NECAB2: variants seen among roughly 807,000 people sequenced by gnomAD.
NECAB2 encodes N-terminal EF-hand calcium binding protein 2, also known as N-terminal EF-hand calcium-binding protein 2.
In NECAB2, 68 loss-of-function variants were observed where a neutral mutation model predicts 51.9. The ratio of observed to expected loss-of-function variants is 1.31; its 90% CI spans 1.08 to 1.60. The LOEUF is 1.60. Among genes scored for constraint, NECAB2 ranks in the 40% most tolerant of loss-of-function variants. The probability of loss-of-function intolerance (pLI) is 0.00; values close to 1 mark genes in which losing one functional copy is unlikely to be tolerated. For missense variants in NECAB2, 854 were observed against 490.3 expected (o/e 1.74, Z -7.00); for synonymous variants, 329 against 203.5 (o/e 1.62, Z -5.25).
chr16:83,995,554 A>T (rs1258385488), intron 8 of NECAB2, among the ~76,000 whole-genome samples: 2 of 152,184 alleles, frequency 1.3e-5, no homozygotes, highest in Admixed American at 6.5e-5. Context: ...ACCTATCCAC[A>T]TGCACACAGC....
Position 83,968,505 on chromosome 16 carries a change from A to C in NECAB2, c.-144A>C. ...GCCGGCCCGCCCCCCGGCGCCGGCC[A>C]GTCCCCGCGGTGTCCGCGGCCGCGG... On this transcript the variant is annotated 5_prime_UTR_variant, in exon 1 of 13. Transcript: ENST00000305202. 6 of 562,576 alleles carry C rather than the reference A, an allele frequency of 1.1e-5. No individual in the cohort carries two copies. The highest frequency in any genetic ancestry group is 7.7e-5 in the South Asian group (1 of 12,992). The allele number at this position is 562,576 out of a possible 1,614,324, so 34.8% of individuals were successfully genotyped here. A position where few individuals can be genotyped will look rare whatever the true frequency, so the allele number is the denominator to read the frequency against.
intron 2 of NECAB2, among the ~76,000 whole-genome samples, chr16:83,978,072 A>G (rs1337762181): frequency 6.6e-6 from 1 of 152,230 alleles, no homozygotes; most frequent in Non-Finnish European, 1.5e-5. Context: ...GGCAGGGGGC[A>G]GATACTCTAT....
chr16:83,989,863 C>G (rs966218002), intron 5 of NECAB2, among the ~76,000 whole-genome samples: 15 of 152,322 alleles, frequency 9.8e-5, no homozygotes, highest in African/African-American at 3.1e-4. Context: ...GACTCCCTCT[C>G]TGATTTCCCC....
At chr16:83,976,939 T>C (rs1264824250) in intron 2 of NECAB2, among the ~76,000 whole-genome samples, 1 of 152,214 alleles carries the variant, frequency 6.6e-6, no homozygotes, top group East Asian at 1.9e-4. Flanking sequence ...GAATGACTCA[T>C]TCTCAACCCA....
At chr16:83,982,592 C>T (rs2084502258) in intron 5 of NECAB2, among the ~76,000 whole-genome samples, 1 of 152,190 alleles carries the variant, frequency 6.6e-6, no homozygotes, top group Non-Finnish European at 1.5e-5. Flanking sequence ...CCTCGGTTTT[C>T]TCACCTTAGA....
intron 11 of NECAB2, among the ~76,000 whole-genome samples, chr16:84,001,404 G>T (rs1355765019): frequency 9.2e-5 from 14 of 152,098 alleles, no homozygotes; most frequent in Admixed American, 7.9e-4. Context: ...ACAAACTCAG[G>T]ACCCCAGTGG....
chr16:83,999,961 A>C (rs1327391437), intron 10 of NECAB2, among the ~76,000 whole-genome samples: 4 of 152,158 alleles, frequency 2.6e-5, no homozygotes, highest in Non-Finnish European at 4.4e-5. Context: ...AGCTCAGCTC[A>C]CTGCAACCTC....
intron 8 of NECAB2, among the ~76,000 whole-genome samples, chr16:83,996,187 G>C (rs942356814): frequency 1.3e-5 from 2 of 152,200 alleles, no homozygotes; most frequent in Non-Finnish European, 2.9e-5. Context: ...GGGCCACAGT[G>C]CCTCTCCTCA....
intron 8 of NECAB2, among the ~76,000 whole-genome samples, chr16:83,995,864 G>A (rs1009889325): frequency 1.3e-5 from 2 of 152,170 alleles, no homozygotes; most frequent in Admixed American, 6.5e-5. Context: ...GGAGCGGCTC[G>A]GAGGGGACCC....
upstream of NECAB2, among the ~76,000 whole-genome samples, chr16:83,967,781 G>A (rs980184966): frequency 4.7e-5 from 7 of 147,466 alleles, no homozygotes; most frequent in East Asian, 1.0e-3. Context: ...GAGGGTGGAT[G>A]GATGGATGCC....
chr16:83,991,814 C>T (rs999389774), intron 6 of NECAB2, among the ~76,000 whole-genome samples: 1 of 142,762 alleles, frequency 7.0e-6, no homozygotes, highest in East Asian at 2.0e-4. Flanking sequence ...CCACACCCAG[C>T]TATTTTTTTT....
chr16:83,985,399 C>G (rs921940367), intron 5 of NECAB2, among the ~76,000 whole-genome samples: 2 of 147,758 alleles, frequency 1.4e-5, no homozygotes, highest in Admixed American at 6.9e-5. Context: ...CTTTGGGAGG[C>G]CGAGGCAGAT....
rs1388445462 is a variant in NECAB2, at chr16:83,998,141, G to T, written c.850-64G>T. ...CGAGGAAGGGAGGTCATGGGGGCCT[G>T]ATGGGGTGTTTAGGGAGAAGGCCTG... On this transcript the variant is annotated intron_variant, in intron 9 of 12. Coordinates refer to ENST00000305202, the MANE Select transcript of NECAB2 (RefSeq NM_019065.3). 7 of 1,464,614 alleles carry T rather than the reference G, an allele frequency of 4.8e-6. No individual in the cohort carries two copies. In the Admixed American group the frequency reaches 7.2e-5, roughly 15 times the overall value. 90.7% of individuals were successfully genotyped at this position (1,464,614 alleles called of 1,614,324 possible).
intron 1 of NECAB2, among the ~76,000 whole-genome samples, chr16:83,969,867 GTCGGGGGAT>G (rs2151083196): frequency 6.6e-6 from 1 of 152,306 alleles, no homozygotes; most frequent in Non-Finnish European, 1.5e-5. Context: ...ATCCCTGTGA[GTCGGGGGAT>G]TCCCTCCCTT....
rs140781534 is a variant in NECAB2, at chr16:84,001,790, G to A, written c.1041-35G>A. 1,500 of 1,611,294 alleles carry A rather than the reference G, an allele frequency of 9.3e-4. 14 individuals are homozygous for A. The African/African-American group carries it at 0.016, about 17-fold the overall frequency. On this transcript the variant is annotated intron_variant, in intron 11 of 12. Transcript: ENST00000305202. ...GAGCCACACGCGGAGCTCCACTCCTGCCACCCCTGACTCACACATGTCCCT... is the reference window on the plus strand; with the variant it reads ...GAGCCACACGCGGAGCTCCACTCCTACCACCCCTGACTCACACATGTCCCT...
chr16:83,997,360 C>G, intron 9 of NECAB2, 91 bp downstream of exon 9: 2 of 1,518,814 alleles, frequency 1.3e-6, no homozygotes, highest in South Asian at 1.1e-5. Flanking sequence ...CCTGACCCCG[C>G]TCTCCCTGCT....
chr16:83,991,130 G>A (rs1231843971), intron 6 of NECAB2, among the ~76,000 whole-genome samples: 1 of 151,812 alleles, frequency 6.6e-6, no homozygotes, highest in Non-Finnish European at 1.5e-5. Flanking sequence ...CTGCAGGTGT[G>A]TAACACCATG....
chr16:83,996,482 G>A (rs1597223460), intron 8 of NECAB2, among the ~76,000 whole-genome samples: 1 of 152,174 alleles, frequency 6.6e-6, no homozygotes, highest in Admixed American at 6.5e-5. Context: ...ACCTGTGGCT[G>A]CCCTGTGTGA....
intron 12 of NECAB2, 148 bp from the exon 13 acceptor site, chr16:84,002,170 T>G (rs1222742034): frequency 9.2e-7 from 1 of 1,090,858 alleles, no homozygotes; most frequent in African/African-American, 1.6e-5. Flanking sequence ...CCCAGGTGTG[T>G]GGTTTGCACC....
Sources: gnomAD v4.1 joint callset for allele counts (sites outside exome capture counted in the v4.1 genomes callset) on GRCh38, gnomAD v4.1.1 for gene constraint, MANE v1.5 for transcripts, NCBI Gene and HGNC (gene_info 2026-07-23, HGNC 2026-07-21) for gene names.